Variants in CS observed in about 807,000 individuals in gnomAD.
The protein encoded by CS is citrate synthase, mitochondrial.
CS carries 13 observed loss-of-function variants against 61.4 expected under a neutral mutation model. That is an observed-to-expected ratio of 0.21 (90% CI 0.14 to 0.34). CS has a LOEUF of 0.34. Ranked by LOEUF, CS falls within the 10% of genes least tolerant of loss-of-function variation. The pLI, the probability that CS is intolerant of heterozygous loss-of-function variation, is 1.00. For missense variants in CS, 278 were observed against 573.4 expected, an observed-to-expected ratio of 0.48 and a Z score of 5.26; for synonymous variants, 159 against 215.2, an observed-to-expected ratio of 0.74 and a Z score of 2.29.
intron 1 of CS, among the ~76,000 whole-genome samples, chr12:56,293,899 C>T (rs1363832796): frequency 6.6e-6 from 1 of 152,214 alleles, no homozygotes; most frequent in African/African-American, 2.4e-5. Context: ...TCCTGTACTA[C>T]AGACACTTCC....
intron 7 of CS, 134 bp downstream of exon 7, chr12:56,275,862 C>T (rs1872612033): frequency 1.3e-6 from 1 of 767,634 alleles, no homozygotes; most frequent in Non-Finnish European, 2.2e-6. Flanking sequence ...TGCCTTGGAT[C>T]ATCCTTTATG....
chr12:56,285,776 G>A (rs1872922735), intron 3 of CS, 140 bp downstream of exon 3: 1 of 724,098 alleles, frequency 1.4e-6, no homozygotes, highest in African/African-American at 1.8e-5. Flanking sequence ...AGAATCTGAA[G>A]GATGGGGAAA....
At chr12:56,277,505 T>TA (rs368562375) in intron 6 of CS, among the ~76,000 whole-genome samples, 31 of 140,236 alleles carry the variant, frequency 2.2e-4, no homozygotes, top group East Asian at 1.3e-3. Flanking sequence ...TCTCAAAAAA[T>TA]AAAAAAAAAA....
intron 6 of CS, among the ~76,000 whole-genome samples, chr12:56,281,997 T>C (rs1735717028): frequency 6.6e-6 from 1 of 152,294 alleles, no homozygotes; most frequent in South Asian, 2.1e-4. Flanking sequence ...TAGGTGGGAT[T>C]ACAGGCGCCC....
intron 1 of CS, among the ~76,000 whole-genome samples, chr12:56,292,564 G>A (rs568497837): frequency 4.6e-5 from 7 of 151,270 alleles, no homozygotes; most frequent in African/African-American, 9.7e-5. Flanking sequence ...AACTGCTGGC[G>A]TGTACCCTTT....
At chr12:56,297,758 TC>T (rs1873351064) in intron 1 of CS, among the ~76,000 whole-genome samples, 1 of 152,158 alleles carries the variant, frequency 6.6e-6, no homozygotes, top group African/African-American at 2.4e-5. Context: ...ACGCTGAGAC[TC>T]AAAGTGGTAA....
intron 1 of CS, among the ~76,000 whole-genome samples, chr12:56,292,437 T>C (rs969730932): frequency 6.9e-6 from 1 of 145,734 alleles, no homozygotes; most frequent in Non-Finnish European, 1.5e-5. Flanking sequence ...TCAGGACAAA[T>C]ACAAAATGTG....
Position 56,280,454 on chromosome 12 carries a change from G to A in CS, c.588+1966C>T, listed in dbSNP as rs529702963. On this transcript the variant is annotated intron_variant, in intron 6 of 10. Coordinates refer to ENST00000351328, the MANE Select transcript of CS (RefSeq NM_004077.3). ...AAAAAAAAACAAAAAAATTAGCCAG[G>A]AGTGGTGGTGTGCGCCTGTAATGCC... is the stretch of plus-strand genomic sequence containing the variant. Among the ~76,000 whole-genome samples the A allele has an allele frequency of 1.2e-4, 16 of 137,578 alleles. No homozygotes were observed. The South Asian group carries it at 3.6e-3, about 31-fold the overall frequency. 90.3% of individuals were successfully genotyped at this position (137,578 alleles called of 152,430 possible). A position where few individuals can be genotyped will look rare whatever the true frequency, so the allele number is the denominator to read the frequency against.
chr12:56,272,105 C>A lies in CS; in HGVS notation c.*979G>T. 3.2e-6 allele frequency: 1 copy of A among 315,592 alleles called. No homozygotes were observed. The allele number at this position is 315,592 out of a possible 1,614,324, so 19.5% of individuals were successfully genotyped here. A position where few individuals can be genotyped will look rare whatever the true frequency, so the allele number is the denominator to read the frequency against. ...ATAATCAGAGGAGACCATGTCCAATCTTGAATCAATTCCCTGTTCAAAAAG... is the reference window on the plus strand; with the variant it reads ...ATAATCAGAGGAGACCATGTCCAATATTGAATCAATTCCCTGTTCAAAAAG... On this transcript the variant is annotated 3_prime_UTR_variant, in exon 11 of 11. Coordinates refer to ENST00000351328, the MANE Select transcript of CS (RefSeq NM_004077.3).
chr12:56,284,698 G>A (rs1416995886), intron 3 of CS, among the ~76,000 whole-genome samples: 1 of 42 alleles, frequency 0.024, no homozygotes, highest in Non-Finnish European at 0.042. Context: ...TCAGGATATC[G>A]AGACATCCTG....
At position 56,295,951 on chromosome 12, in the gene CS, CAAAAAAAAAAAA is replaced by C. The variant is rs71081343; in HGVS notation, c.42+4197_42+4208del. ...CCTAGGCGACAGAGCGAAACTGTCT[CAAAAAAAAAAAA>C]AAAAAAAAAAAAAAAAAAGAAGTTC... On this transcript the variant is annotated intron_variant, in intron 1 of 10. Transcript: ENST00000351328. 4.8e-3 allele frequency among the ~76,000 whole-genome samples: 193 copies of C among 40,524 alleles called. 2 individuals are homozygous for C. Among genetic ancestry groups the C allele is most frequent in the African/African-American group, 0.021 (167 of 8,132 alleles). The allele number at this position is 40,524 out of a possible 152,430, so 26.6% of individuals were successfully genotyped here. A position where few individuals can be genotyped will look rare whatever the true frequency, so the allele number is the denominator to read the frequency against.
At position 56,275,977 on chromosome 12, in the gene CS, G is replaced by A. The variant is rs1261191432; in HGVS notation, c.788+19C>T. 1.9e-6 allele frequency: 3 copies of A among 1,612,070 alleles called. No individual in the cohort carries two copies. Among genetic ancestry groups the A allele is most frequent in the Non-Finnish European group, 2.5e-6 (3 of 1,178,476 alleles). ...CCAATTGAGGCACCTAGTGGCTGTGGTTGCTGGGTCTAGCTTACCTGTGGA... is the reference window on the plus strand; with the variant it reads ...CCAATTGAGGCACCTAGTGGCTGTGATTGCTGGGTCTAGCTTACCTGTGGA... On this transcript the variant is annotated intron_variant, in intron 7 of 10. Coordinates refer to ENST00000351328, the MANE Select transcript of CS (RefSeq NM_004077.3).
At chr12:56,274,709 C>T in intron 9 of CS, 68 bp downstream of exon 9, 2 of 1,245,946 alleles carry the variant, frequency 1.6e-6, no homozygotes, top group South Asian at 1.6e-5. Context: ...TCATTCTTTT[C>T]TTAATTCTTC....
At position 56,276,087 on chromosome 12, in the gene CS, T is replaced by C; in HGVS notation, c.697A>G (p.Asn233Asp). The change falls in exon 7 of 11, where the codon AAC becomes GAC. Residue 233 changes from asparagine (N) to aspartate (D), a missense_variant. Physicochemically the swap from Asn to Asp is conservative, Grantham distance 23. This residue lies in a region of CS where 223 missense variants were observed against 503.5 expected (regional missense o/e 0.44). Transcript: ENST00000351328. ...EGSGIGAIDS[N>D]LDWSHNFTNM... ...GTGAAATTGTGAGACCAGTCCAGGT[T>C]AGAGTCAATGGCCCCAATACCGCTG... The C allele has an allele frequency of 6.2e-7, 1 of 1,614,148 alleles. No homozygotes were observed. Among genetic ancestry groups the C allele is most frequent in the Non-Finnish European group, 8.5e-7 (1 of 1,180,040 alleles).
chr12:56,286,371 G>T (rs970534534), intron 2 of CS: 3 of 542,772 alleles, frequency 5.5e-6, no homozygotes, highest in African/African-American at 1.9e-5. Context: ...ACATTTAAAA[G>T]AATTAGGCAA....
chr12:56,294,615 G>T (rs1873237742), intron 1 of CS, among the ~76,000 whole-genome samples: 1 of 151,842 alleles, frequency 6.6e-6, no homozygotes, highest in African/African-American at 2.4e-5. Context: ...CACCCAGGCT[G>T]GAGTGCAGTG....
intron 6 of CS, among the ~76,000 whole-genome samples, chr12:56,278,170 G>GC (rs1872676803): frequency 6.6e-6 from 1 of 151,986 alleles, no homozygotes; most frequent in Non-Finnish European, 1.5e-5. Context: ...TCACCCTGTC[G>GC]CCCAGGCTGG....
At chr12:56,289,351 G>A (rs984634939) in intron 1 of CS, among the ~76,000 whole-genome samples, 1 of 152,184 alleles carries the variant, frequency 6.6e-6, no homozygotes, top group Admixed American at 6.5e-5. Flanking sequence ...CTACTAGAGA[G>A]GCCCCATGTC....
At chr12:56,275,288 A>C in intron 7 of CS, 157 bp from the exon 8 acceptor site, 3 of 872,352 alleles carry the variant, frequency 3.4e-6, no homozygotes, top group Non-Finnish European at 5.2e-6. Flanking sequence ...AGACATCCTA[A>C]TCTTGGCCAG....
Sources: allele counts gnomAD v4.1 joint callset (sites outside exome capture counted in the v4.1 genomes callset), GRCh38; gene constraint gnomAD v4.1.1; regional missense constraint gnomAD v4.1.1; transcripts MANE v1.5; gene names NCBI Gene and HGNC (gene_info 2026-07-23, HGNC 2026-07-21).